Variants in NPHP1 observed in about 807,000 individuals in gnomAD.
The protein encoded by NPHP1 is nephrocystin 1, also known as nephrocystin-1.
A neutral mutation model predicts 90.4 loss-of-function variants in NPHP1; 70 were observed. The ratio of observed to expected loss-of-function variants is 0.77; its 90% CI spans 0.64 to 0.95. The LOEUF (loss-of-function observed/expected upper bound fraction) is 0.95. Among genes scored for constraint, NPHP1 ranks in the 40% least tolerant of loss-of-function variants. NPHP1 has a pLI of 0.00. For synonymous variants in NPHP1, 256 were observed against 271.7 expected, an observed-to-expected ratio of 0.94 and a Z score of 0.57; for missense variants, 764 against 795.9, an observed-to-expected ratio of 0.96 and a Z score of 0.48.
intron 2 of NPHP1, among the ~76,000 whole-genome samples, chr2:110,182,844 A>G (rs1684000280): frequency 6.6e-6 from 1 of 152,132 alleles, no homozygotes; most frequent in South Asian, 2.1e-4. Flanking sequence ...AAAGACACAG[A>G]ATGGCAAGCT....
At chr2:110,144,345 AATG>A in intron 15 of NPHP1, 145 bp downstream of exon 15, 1 of 637,922 alleles carries the variant, frequency 1.6e-6, no homozygotes, top group South Asian at 1.9e-5. Flanking sequence ...AGTACTTAAA[AATG>A]ATTAAAATTT....
intron 4 of NPHP1, among the ~76,000 whole-genome samples, chr2:110,172,263 G>T (rs1477826382): frequency 6.6e-6 from 1 of 150,826 alleles, no homozygotes; most frequent in Non-Finnish European, 1.5e-5. Flanking sequence ...CTCTTTTCTT[G>T]ATCAGTAATG....
intron 16 of NPHP1, among the ~76,000 whole-genome samples, chr2:110,133,707 A>T (rs1426324514): frequency 6.6e-6 from 1 of 152,120 alleles, no homozygotes; most frequent in East Asian, 1.9e-4. Context: ...ATGAAATGAA[A>T]CTAGAAATCA....
rs117820434 is a variant in NPHP1, at chr2:110,204,325, G to T, written c.69+575C>A. Among the ~76,000 whole-genome samples, 80 of 152,248 alleles carry T rather than the reference G, an allele frequency of 5.3e-4. No individual in the cohort carries two copies. In the East Asian group the frequency reaches 0.014, roughly 27 times the overall value. On this transcript the variant is annotated intron_variant, in intron 1 of 19. Transcript: ENST00000445609. ...GCTTTGCAATTACTTGAGTATCTTT[G>T]AAGTTAACATTCCTCGTATGTTTAT...
intron 1 of NPHP1, 86 bp downstream of exon 1, chr2:110,204,814 G>C (rs1326863369): frequency 5.0e-6 from 7 of 1,390,306 alleles, no homozygotes; most frequent in Non-Finnish European, 5.1e-6. Context: ...CCCAGGATTA[G>C]GTGGGGTCAC....
chr2:110,126,635 C>T (rs1679390254), intron 18 of NPHP1: 1 of 152,608 alleles, frequency 6.6e-6, no homozygotes, highest in Admixed American at 6.5e-5. Context: ...ACTAAACAGG[C>T]CAAGTGCCAT....
At chr2:110,201,384 G>A (rs369910775) in intron 2 of NPHP1, 37 bp downstream of exon 2, 49 of 1,293,612 alleles carry the variant, frequency 3.8e-5, no homozygotes, top group East Asian at 3.5e-4. Context: ...ATGTAAGTGC[G>A]GTTCCTGTAA....
At chr2:110,163,492 G>T in intron 8 of NPHP1, 1 of 294,022 alleles carries the variant, frequency 3.4e-6, no homozygotes, top group Non-Finnish European at 6.7e-6. Context: ...AAGAATTAAT[G>T]GATTTTTTTT....
At chr2:110,201,516 T>C in intron 1 of NPHP1, 22 bp from the exon 2 acceptor site, 1 of 1,533,266 alleles carries the variant, frequency 6.5e-7, no homozygotes, top group East Asian at 2.2e-5. Flanking sequence ...ATTTAAAATA[T>C]CACATTATTA....
At chr2:110,177,351 G>A (rs1683573349) in intron 4 of NPHP1, among the ~76,000 whole-genome samples, 1 of 152,074 alleles carries the variant, frequency 6.6e-6, no homozygotes, top group Non-Finnish European at 1.5e-5. Flanking sequence ...CAGTATAAAG[G>A]TTGGAGAACA....
chr2:110,177,073 C>T (rs1055978593), intron 4 of NPHP1, among the ~76,000 whole-genome samples: 8 of 152,172 alleles, frequency 5.3e-5, no homozygotes, highest in African/African-American at 1.7e-4. Flanking sequence ...TACCTTCCTC[C>T]ACCACAGCTC....
At chr2:110,192,375 G>C (rs531420187) in intron 2 of NPHP1, among the ~76,000 whole-genome samples, 1 of 152,212 alleles carries the variant, frequency 6.6e-6, no homozygotes, top group African/African-American at 2.4e-5. Flanking sequence ...AGCTTCAGTA[G>C]CTGATTCGAT....
At chr2:110,185,392 G>A (rs1056024530) in intron 2 of NPHP1, among the ~76,000 whole-genome samples, 1 of 152,204 alleles carries the variant, frequency 6.6e-6, no homozygotes, top group African/African-American at 2.4e-5. Flanking sequence ...GAGGCCTGGG[G>A]GTGACCATTA....
chr2:110,179,626 T>G lies in NPHP1; in HGVS notation c.202A>C (p.Lys68Gln), dbSNP rs748557384. ...ENKNALQKLS[K>Q]ADESAPVANY... is the part of the protein sequence containing the mutation. ...ATGTGATTAACCTCAATACTTACTT[T>G]GCTTAATTTTTGAAGAGCATTTTTA... Residue 68 changes from lysine to glutamine, a missense_variant and splice_region_variant, in exon 3 of 20, where the codon AAA (lysine) becomes CAA (glutamine). Coordinates refer to ENST00000445609, the MANE Select transcript of NPHP1 (RefSeq NM_001128178.3). 112 of 1,323,762 alleles carry G rather than the reference T, an allele frequency of 8.5e-5. No homozygotes were observed. Among genetic ancestry groups the G allele is most frequent in the Non-Finnish European group, 1.2e-4 (109 of 920,708 alleles). 82.0% of individuals were successfully genotyped at this position (1,323,762 alleles called of 1,614,324 possible).
At chr2:110,144,996 A>T (rs1225165413) in intron 14 of NPHP1, among the ~76,000 whole-genome samples, 2 of 151,900 alleles carry the variant, frequency 1.3e-5, no homozygotes, top group East Asian at 1.9e-4. Flanking sequence ...AGATTATTAT[A>T]AAAAGTTTGA....
At chr2:110,134,171 A>G (rs1679994262) in intron 16 of NPHP1, among the ~76,000 whole-genome samples, 1 of 152,100 alleles carries the variant, frequency 6.6e-6, no homozygotes, top group East Asian at 1.9e-4. Flanking sequence ...GGATATTACT[A>G]TTGATTTTAC....
At chr2:110,186,117 T>C (rs1684266275) in intron 2 of NPHP1, among the ~76,000 whole-genome samples, 1 of 152,294 alleles carries the variant, frequency 6.6e-6, no homozygotes, top group East Asian at 1.9e-4. Flanking sequence ...AAGCGGACAG[T>C]GTCCACAGGT....
chr2:110,151,908 C>T (rs1489016578), intron 11 of NPHP1, among the ~76,000 whole-genome samples: 1 of 152,068 alleles, frequency 6.6e-6, no homozygotes, highest in African/African-American at 2.4e-5. Context: ...TTTGGAGAAT[C>T]CTAATTTTGA....
At chr2:110,128,656 G>A (rs1011283073) in intron 18 of NPHP1, 2 of 160,502 alleles carry the variant, frequency 1.2e-5, no homozygotes, top group African/African-American at 4.8e-5. Context: ...GATGTTACCT[G>A]TGTATCTGCC....
Sources: allele counts gnomAD v4.1 joint callset (sites outside exome capture counted in the v4.1 genomes callset), GRCh38; gene constraint gnomAD v4.1.1; transcripts MANE v1.5; gene names NCBI Gene and HGNC (gene_info 2026-07-23, HGNC 2026-07-21).